TBC1D8B: variants seen among roughly 807,000 people sequenced by gnomAD.
The protein encoded by TBC1D8B is TBC1 domain family member 8B, also known as RP11-321G1.1.
TBC1D8B carries 75 observed loss-of-function variants against 82.9 expected under a neutral mutation model. The ratio of observed to expected loss-of-function variants is 0.90; its 90% confidence interval spans 0.75 to 1.10. The LOEUF is 1.10. Among genes scored for constraint, TBC1D8B ranks in the 50% least tolerant of loss-of-function variants. TBC1D8B has a pLI of 0.00. For synonymous variants in TBC1D8B, 276 were observed against 276.8 expected, an observed-to-expected ratio of 1.00 and a Z score of 0.03; for missense variants, 794 against 796.9, an observed-to-expected ratio of 1.00 and a Z score of 0.04.
In TBC1D8B at chrX:106,873,892, A is replaced by T; in HGVS notation, c.3290A>T (p.Glu1097Val). Residue 1097 changes from glutamate to valine, a missense_variant, in exon 21 of 21, where the codon GAG becomes GTG. Coordinates refer to ENST00000357242, the MANE Select transcript of TBC1D8B (RefSeq NM_017752.3). ...LNEPALVRFF[E>V]KPIDVKAKLE... The stretch of plus-strand genomic sequence containing the variant: ...GAACCAGCATTGGTGAGGTTTTTTG[A>T]GAAACCCATAGATGTAAAAGCCAAG... The T allele has an allele frequency of 8.3e-7, 1 of 1,208,498 alleles. No homozygotes were observed. The highest frequency in any genetic ancestry group is 1.1e-6 in the Non-Finnish European group (1 of 894,556).
At chrX:106,847,119 A>G (rs1932473198) in intron 10 of TBC1D8B, among the ~76,000 whole-genome samples, 1 of 111,934 alleles carries the variant, frequency 8.9e-6, no homozygotes, top group African/African-American at 3.2e-5. Flanking sequence ...CTGAGAAAAA[A>G]GTATAGTTGG....
intron 10 of TBC1D8B, among the ~76,000 whole-genome samples, chrX:106,842,078 C>A (rs1234536801): frequency 9.0e-6 from 1 of 110,847 alleles, no homozygotes; most frequent in Non-Finnish European, 1.9e-5. Context: ...GGGTTGAATA[C>A]CTGTAATTGT....
At chrX:106,833,547 A>T (rs183339971) in intron 7 of TBC1D8B, among the ~76,000 whole-genome samples, 3 of 112,314 alleles carry the variant, frequency 2.7e-5, no homozygotes, top group Admixed American at 1.9e-4. Context: ...CAAAATTTCA[A>T]ACATTAAACT....
At chrX:106,830,423 G>A (rs1182344674) in intron 7 of TBC1D8B, among the ~76,000 whole-genome samples, 2 of 111,357 alleles carry the variant, frequency 1.8e-5, no homozygotes, top group Non-Finnish European at 3.8e-5. Flanking sequence ...CATACCATTT[G>A]ACCCAGCCAT....
intron 19 of TBC1D8B, among the ~76,000 whole-genome samples, chrX:106,870,487 C>T (rs1424211534): frequency 8.9e-6 from 1 of 111,804 alleles, no homozygotes; most frequent in East Asian, 2.8e-4. Flanking sequence ...GCCACATATT[C>T]CCTAGTTCCC....
chrX:106,821,558 T>C (rs1931692505), intron 3 of TBC1D8B, among the ~76,000 whole-genome samples: 1 of 111,414 alleles, frequency 9.0e-6, no homozygotes, highest in Admixed American at 9.6e-5. Context: ...ATATATACAG[T>C]CGTCCCTAGG....
intron 20 of TBC1D8B, among the ~76,000 whole-genome samples, chrX:106,871,690 C>T (rs1301134601): frequency 8.9e-6 from 1 of 112,020 alleles, no homozygotes; most frequent in Non-Finnish European, 1.9e-5. Context: ...CCTCCTTTCC[C>T]CCAGTAACAA....
At chrX:106,822,688 CA>C (rs776133398) in intron 4 of TBC1D8B, among the ~76,000 whole-genome samples, 1 of 110,711 alleles carries the variant, frequency 9.0e-6, no homozygotes, top group South Asian at 3.8e-4. Context: ...AAATCAGAAT[CA>C]TTTTTTTTAA....
At chrX:106,809,315 T>A (rs1193079482) in intron 1 of TBC1D8B, among the ~76,000 whole-genome samples, 1 of 111,158 alleles carries the variant, frequency 9.0e-6, no homozygotes, top group East Asian at 2.8e-4. Flanking sequence ...ATGATATGAC[T>A]GGTGCTGATA....
chrX:106,866,683 G>T, intron 16 of TBC1D8B, 114 bp from the exon 17 acceptor site: 1 of 491,316 alleles, frequency 2.0e-6, no homozygotes, highest in Non-Finnish European at 3.3e-6. Context: ...TAAGTAACAG[G>T]TTTCTAAATC....
At chrX:106,817,828 GGA>G (rs1166498752) in intron 1 of TBC1D8B, among the ~76,000 whole-genome samples, 1 of 111,077 alleles carries the variant, frequency 9.0e-6, no homozygotes, top group Non-Finnish European at 1.9e-5. Flanking sequence ...TAGTTGGACT[GGA>G]CTAGAAGACT....
chrX:106,833,836 T>A (rs987647978), intron 7 of TBC1D8B, among the ~76,000 whole-genome samples: 1 of 111,442 alleles, frequency 9.0e-6, no homozygotes, highest in African/African-American at 3.3e-5. Context: ...ATTAAAGGAA[T>A]GTGCTGTGCT....
intron 1 of TBC1D8B, among the ~76,000 whole-genome samples, chrX:106,812,726 A>G (rs1931414780): frequency 8.9e-6 from 1 of 112,131 alleles, no homozygotes; most frequent in Admixed American, 9.5e-5. Flanking sequence ...CAAAAAAAGA[A>G]ATGTTTATGA....
intron 5 of TBC1D8B, among the ~76,000 whole-genome samples, chrX:106,825,645 C>G (rs992748374): frequency 1.6e-4 from 18 of 111,073 alleles, no homozygotes; most frequent in African/African-American, 5.9e-4. Flanking sequence ...CTGGGTAACT[C>G]GCTTGATTTT....
intron 1 of TBC1D8B, among the ~76,000 whole-genome samples, 161 bp downstream of exon 1, chrX:106,803,144 A>C: frequency 8.9e-6 from 1 of 111,887 alleles, no homozygotes; most frequent in East Asian, 2.8e-4. Context: ...ACCACCTCCA[A>C]GTCCTGAGAA....
At chrX:106,810,898 AC>A (rs199812256) in intron 1 of TBC1D8B, among the ~76,000 whole-genome samples, 104 of 110,830 alleles carry the variant, frequency 9.4e-4, no homozygotes, top group African/African-American at 1.3e-3. Flanking sequence ...GATTAGTGTT[AC>A]CCCCCCACTT....
At chrX:106,824,451 A>G (rs910453889) in intron 5 of TBC1D8B, among the ~76,000 whole-genome samples, 1 of 111,235 alleles carries the variant, frequency 9.0e-6, no homozygotes, top group African/African-American at 3.3e-5. Context: ...CCCTGCTTTT[A>G]TGGAAATTAG....
chrX:106,854,219 G>A lies in TBC1D8B; in HGVS notation c.2275G>A (p.Glu759Lys). 8.5e-7 allele frequency: 1 copy of A among 1,175,824 alleles called. No individual in the cohort carries two copies. Among genetic ancestry groups the A allele is most frequent in the Non-Finnish European group, 1.1e-6 (1 of 880,168 alleles). The change falls in exon 14 of 21, where the codon GAA (glutamate) becomes AAA (lysine). Residue 759 changes from glutamate to lysine, a missense_variant. Glu to Lys is a moderately conservative substitution (Grantham distance 56, BLOSUM62 1). Coordinates refer to ENST00000357242, the MANE Select transcript of TBC1D8B (RefSeq NM_017752.3). The part of the protein sequence containing the change: ...SNEKYGNIRY[E>K]DIHSMRCRNR... Reference sequence around the variant, plus strand: ...GCAGAAATATGGTAATATTCGCTATGAAGATATACATAGTATGCGCTGTCG... The same window carrying A: ...GCAGAAATATGGTAATATTCGCTATAAAGATATACATAGTATGCGCTGTCG...
intron 1 of TBC1D8B, among the ~76,000 whole-genome samples, chrX:106,805,461 G>C (rs1931159483): frequency 9.0e-6 from 1 of 110,645 alleles, no homozygotes; most frequent in Non-Finnish European, 1.9e-5. Context: ...CCATTTACTA[G>C]TCCCCATAGT....
Sources: gnomAD v4.1 joint callset for allele counts (sites outside exome capture counted in the v4.1 genomes callset) on GRCh38, gnomAD v4.1.1 for gene constraint, MANE v1.5 for transcripts, NCBI Gene and HGNC (gene_info 2026-07-23, HGNC 2026-07-21) for gene names.